Variants in CA12 observed in about 807,000 individuals in gnomAD.
CA12 encodes carbonate dehydratase XII.
In CA12, 36 loss-of-function variants were observed where a neutral mutation model predicts 46.8. The ratio of observed to expected loss-of-function variants is 0.77; its 90% CI spans 0.59 to 1.02. The LOEUF is 1.02. Among genes scored for constraint, CA12 ranks in the 50% least tolerant of loss-of-function variants. CA12 has a pLI of 0.00. For missense variants in CA12, 436 were observed against 451.4 expected (o/e 0.97, Z 0.31); for synonymous variants, 202 against 187.0 (o/e 1.08, Z -0.65).
At chr15:63,347,732 G>T (rs1157297822) in intron 2 of CA12, among the ~76,000 whole-genome samples, 2 of 152,200 alleles carry the variant, frequency 1.3e-5, no homozygotes, top group Non-Finnish European at 2.9e-5. Flanking sequence ...TTCAGGCCAA[G>T]GTTTCTCCAG....
rs72748932 is a variant in CA12 at position 63,328,992 on chromosome 15, C to T, written c.875-862G>A. On this transcript the variant is annotated intron_variant, in intron 8 of 10. Transcript: ENST00000178638. This position sits in a 1 kb window ranked among gnomAD's most constrained non-coding sequence, Gnocchi z 5.9. The stretch of plus-strand genomic sequence containing the variant: ...TGGGGATTACAGGTGTGAGCCACGG[C>T]GCCCAGCCAAGATTTCAGTTTTTAA... Among the ~76,000 whole-genome samples, 7,419 of 152,270 alleles carry T rather than the reference C, an allele frequency of 0.049. 266 individuals are homozygous for T. The highest frequency in any genetic ancestry group is 0.17 in the East Asian group (868 of 5,168).
At chr15:63,350,168 G>A (rs1358346233) in intron 2 of CA12, among the ~76,000 whole-genome samples, 1 of 152,218 alleles carries the variant, frequency 6.6e-6, no homozygotes, top group Non-Finnish European at 1.5e-5. Context: ...TGGGGACACT[G>A]TCAGAGCAGC....
intron 2 of CA12, among the ~76,000 whole-genome samples, chr15:63,364,383 A>G (rs1365120277): frequency 6.8e-6 from 1 of 146,328 alleles, no homozygotes; most frequent in African/African-American, 2.5e-5. Context: ...AACTGCCACA[A>G]GGAGTCTCTT....
Position 63,375,528 on chromosome 15 carries a change from T to C in CA12, c.106+130A>G, listed in dbSNP as rs916561075. 19 of 669,492 alleles carry C rather than the reference T, an allele frequency of 2.8e-5. No individual in the cohort carries two copies. In the African/African-American group the frequency reaches 2.9e-4, roughly 10 times the overall value. 41.5% of individuals were successfully genotyped at this position (669,492 alleles called of 1,614,324 possible). ...AGGAGATGCCTTTGTACTCTCTTTC[T>C]ACAATACAAGAACTGTGCTTCCGAC... On this transcript the variant is annotated intron_variant, in intron 2 of 10. Transcript: ENST00000178638.
chr15:63,341,910 G>T lies in CA12; in HGVS notation c.525+92C>A, dbSNP rs1310980993. 2.3e-6 allele frequency: 2 copies of T among 868,290 alleles called. No individual in the cohort carries two copies. Among genetic ancestry groups the T allele is most frequent in the East Asian group, 2.6e-5 (1 of 38,834 alleles). 53.8% of individuals were successfully genotyped at this position (868,290 alleles called of 1,614,324 possible). ...ACACGGAGTCGATACAGGAACAGCT[G>T]ATTATCAACAGGTATGCATGGAACA... On this transcript the variant is annotated intron_variant, in intron 5 of 10. Transcript: ENST00000178638. The surrounding 1 kb of genome is among the most constrained non-coding windows in gnomAD (Gnocchi z 5.2).
chr15:63,346,768 C>T, intron 2 of CA12, 59 bp from the exon 3 acceptor site: 1 of 1,549,344 alleles, frequency 6.5e-7, no homozygotes, highest in South Asian at 1.1e-5. Context: ...TTTTCCTTAT[C>T]TTCTAATTCT....
chr15:63,348,488 A>C lies in CA12; in HGVS notation c.107-1779T>G, dbSNP rs2152619104. Among the ~76,000 whole-genome samples the C allele has an allele frequency of 6.6e-6, 1 of 152,348 alleles. No individual in the cohort carries two copies. The highest frequency in any genetic ancestry group is 1.9e-4 in the East Asian group (1 of 5,182). On this transcript the variant is annotated intron_variant, in intron 2 of 10. Coordinates refer to ENST00000178638, the MANE Select transcript of CA12 (RefSeq NM_001218.5). The surrounding 1 kb of genome is among the most constrained non-coding windows in gnomAD (Gnocchi z 4.6). ...AGGCCTCATGTAGAACCCCAGGGTC[A>C]GGAAGAGACACAGCACAGGGTAAGA...
chr15:63,353,365 C>T (rs1308797562), intron 2 of CA12, among the ~76,000 whole-genome samples: 3 of 152,134 alleles, frequency 2.0e-5, no homozygotes, highest in Non-Finnish European at 4.4e-5. Flanking sequence ...CTCAGAGGCC[C>T]CGCTGCAGTG....
rs796551318 is a variant in CA12 at position 63,362,920 on chromosome 15, C to T, written c.106+12738G>A. On this transcript the variant is annotated intron_variant, in intron 2 of 10. Transcript: ENST00000178638. The stretch of plus-strand genomic sequence containing the variant: ...GAAGGTCGAGGGCTTTGGAGGCATT[C>T]GACCAACCTGCCAATCACAGCTCTG... Among the ~76,000 whole-genome samples, 16 of 152,278 alleles carry T rather than the reference C, an allele frequency of 1.1e-4. 1 individual carries two copies. The highest frequency in any genetic ancestry group is 3.6e-4 in the African/African-American group (15 of 41,558).
chr15:63,331,092 T>A lies in CA12; in HGVS notation c.875-2962A>T, dbSNP rs1595774691. 6.6e-6 allele frequency among the ~76,000 whole-genome samples: 1 copy of A among 152,230 alleles called. No individual in the cohort carries two copies. Among genetic ancestry groups the A allele is most frequent in the Non-Finnish European group, 1.5e-5 (1 of 68,038 alleles). On this transcript the variant is annotated intron_variant, in intron 8 of 10. Coordinates refer to ENST00000178638, the MANE Select transcript of CA12 (RefSeq NM_001218.5). The surrounding 1 kb of genome is among the most constrained non-coding windows in gnomAD (Gnocchi z 5.3). ...GCAGGAAGGTGTTGTTGGAATGCTG[T>A]CCCTGCCAATCGAGACAGCACCAAC...
chr15:63,371,586 A>C (rs1365244553), intron 2 of CA12, among the ~76,000 whole-genome samples: 2 of 152,062 alleles, frequency 1.3e-5, no homozygotes, highest in African/African-American at 2.4e-5. Flanking sequence ...GGGTTGGCGC[A>C]CCCTCCAGGA....
intron 8 of CA12, among the ~76,000 whole-genome samples, chr15:63,333,996 G>A (rs2038967090): frequency 6.6e-6 from 1 of 152,120 alleles, no homozygotes; most frequent in African/African-American, 2.4e-5. Flanking sequence ...CAGCATCTGG[G>A]CCCAGTGTTG....
At position 63,372,751 on chromosome 15, in the gene CA12, C is replaced by T. The variant is rs1228390669; in HGVS notation, c.106+2907G>A. On this transcript the variant is annotated intron_variant, in intron 2 of 10. Coordinates refer to ENST00000178638, the MANE Select transcript of CA12 (RefSeq NM_001218.5). The surrounding 1 kb of genome is among the most constrained non-coding windows in gnomAD (Gnocchi z 4.5). Reference sequence around the variant, plus strand: ...CCTAAGGAGGAGCTAGCCAAGACCTCAGGAGGAGTTTGCCTCCTTAGCTGT... The same window carrying T: ...CCTAAGGAGGAGCTAGCCAAGACCTTAGGAGGAGTTTGCCTCCTTAGCTGT... Among the ~76,000 whole-genome samples, 1 of 152,238 alleles carries T rather than the reference C, an allele frequency of 6.6e-6. No homozygotes were observed. Among genetic ancestry groups the T allele is most frequent in the Non-Finnish European group, 1.5e-5 (1 of 68,054 alleles).
At position 63,346,623 on chromosome 15, in the gene CA12, G is replaced by C; in HGVS notation, c.193C>G (p.Leu65Val). ...QSPIDLHSDILQYDASLTPLE... is the reference protein window; with the variant it reads ...QSPIDLHSDIVQYDASLTPLE... ...GGCGTGAGGCTGGCGTCATACTGGA[G>C]GATGTCACTGTGCAGGTCTATGGGG... is the stretch of plus-strand genomic sequence containing the variant. Residue 65 changes from leucine to valine, a missense_variant, in exon 3 of 11, where the codon CTC (leucine) becomes GTC (valine). By Grantham distance (32) the Leu-to-Val change is conservative (BLOSUM62 1). Transcript: ENST00000178638. The C allele has an allele frequency of 1.2e-6, 2 of 1,613,764 alleles. No homozygotes were observed.
intron 2 of CA12, among the ~76,000 whole-genome samples, chr15:63,359,741 C>T (rs28482060): frequency 0.049 from 7,420 of 152,192 alleles, 590 homozygotes; most frequent in African/African-American, 0.16. Context: ...AAAAAAAATG[C>T]TATCAAGGAT....
chr15:63,326,507 T>A, intron 10 of CA12, 150 bp from the exon 11 acceptor site: 1 of 696,712 alleles, frequency 1.4e-6, no homozygotes, highest in East Asian at 2.7e-5. Context: ...TGGGAGGGAG[T>A]GTCACCAAAT....
chr15:63,353,987 C>A (rs1451933700), intron 2 of CA12, among the ~76,000 whole-genome samples: 1 of 152,212 alleles, frequency 6.6e-6, no homozygotes, highest in Admixed American at 6.5e-5. Flanking sequence ...CACAGCATCA[C>A]CTTGGTAAGA....
In CA12 at chr15:63,378,840, G is replaced by C. The variant is rs563913530; in HGVS notation, c.85+2796C>G. On this transcript the variant is annotated intron_variant, in intron 1 of 10. Transcript: ENST00000178638. The surrounding 1 kb of genome is among the most constrained non-coding windows in gnomAD (Gnocchi z 4.8). ...TTCACCCTTACTTTTCCCCTGAGGA[G>C]GCACAGGCCACTCCAGTGATCCTGG... 2.6e-5 allele frequency: 4 copies of C among 152,324 alleles called. No homozygotes were observed. The highest frequency in any genetic ancestry group is 2.6e-4 in the Admixed American group (4 of 15,302). The allele number at this position is 152,324 out of a possible 1,614,324, so 9.4% of individuals were successfully genotyped here.
rs1466645755 is a variant in CA12 at position 63,342,030 on chromosome 15, C to T, written c.497G>A (p.Gly166Asp). The change falls in exon 5 of 11, where the codon GGC (glycine) becomes GAC (aspartate). Residue 166 changes from glycine (G) to aspartate (D), a missense_variant. Coordinates refer to ENST00000178638, the MANE Select transcript of CA12 (RefSeq NM_001218.5). ...AATGAGAACAGCCAGGACAGCGAGG[C>T]CTTCTGACTTGTTGCTGGCAGTGCT... ...DASTASNKSE[G>D]LAVLAVLIEM... The T allele has an allele frequency of 6.2e-7, 1 of 1,613,950 alleles. No individual in the cohort carries two copies. The highest frequency in any genetic ancestry group is 8.5e-7 in the Non-Finnish European group (1 of 1,179,806).
Sources: gnomAD v4.1 joint callset for allele counts (sites outside exome capture counted in the v4.1 genomes callset) on GRCh38, gnomAD v4.1.1 for gene constraint, Gnocchi (gnomAD v3.1) non-coding constraint, MANE v1.5 for transcripts, NCBI Gene and HGNC (gene_info 2026-07-23, HGNC 2026-07-21) for gene names.